Variants in USP35 observed in about 807,000 individuals in gnomAD.
USP35 encodes ubiquitin carboxyl-terminal hydrolase 35.
In USP35, 69 loss-of-function variants were observed where a neutral mutation model predicts 83.8. The observed-to-expected ratio is 0.82, with a 90% confidence interval of 0.68 to 1.01. The LOEUF is 1.01. Among genes scored for constraint, USP35 ranks in the 50% least tolerant of loss-of-function variants. The pLI is 0.00. For missense variants in USP35, 1,503 were observed against 1,362.5 expected (o/e 1.10, Z -1.62); for synonymous variants, 714 against 589.5 (o/e 1.21, Z -3.06).
chr11:78,199,757 C>T (rs568548014), intron 4 of USP35, 33 bp downstream of exon 4: 23 of 1,613,988 alleles, frequency 1.4e-5, no homozygotes, highest in East Asian at 1.3e-4. Context: ...AGAGTTACAG[C>T]CTTTTGTACT....
the USP35 span, among the ~76,000 whole-genome samples, chr11:78,231,345 G>A: frequency 6.6e-6 from 1 of 151,588 alleles, no homozygotes; most frequent in Non-Finnish European, 1.5e-5. Context: ...TGGTGTGTGT[G>A]TGTGTGTGTG....
rs748861247 is a variant in USP35 at position 78,210,414 on chromosome 11, C to G, written c.2559C>G (p.His853Gln). Residue 853 changes from histidine to glutamine, a missense_variant, in exon 10 of 11, where the codon CAC becomes CAG. Transcript: ENST00000529308. The part of the protein sequence containing the change: ...QAYDLCSVVV[H>Q]SGVSSESGHY... ...ATGACCTCTGCAGTGTGGTGGTGCA[C>G]TCTGGAGTGTCTTCGGAGAGTGGTC... 6.2e-6 allele frequency: 10 copies of G among 1,614,082 alleles called. 1 individual carries two copies. The highest frequency in any genetic ancestry group is 7.6e-6 in the Non-Finnish European group (9 of 1,180,038).
Position 78,196,781 on chromosome 11 carries a change from C to A in USP35, c.536C>A (p.Ala179Asp). 2 of 1,533,686 alleles carry A rather than the reference C, an allele frequency of 1.3e-6. No homozygotes were observed. Among genetic ancestry groups the A allele is most frequent in the Non-Finnish European group, 1.7e-6 (2 of 1,145,766 alleles). ...TGCCTCGGCCGCTTCCGCTGCCCAG[C>A]CGAAGGCGAGGAGGGCGCCGTGGAG... is the stretch of plus-strand genomic sequence containing the variant. ...VRCLGRFRCP[A>D]EGEEGAVEFL... The change falls in exon 2 of 11, where the codon GCC (alanine) becomes GAC (aspartate). Residue 179 changes from alanine to aspartate, a missense_variant. By Grantham distance (126) the Ala-to-Asp change is moderately radical (BLOSUM62 -2). Transcript: ENST00000529308. The surrounding 1 kb of genome is among the most constrained non-coding windows in gnomAD (Gnocchi z 4.8).
intron 1 of USP35, among the ~76,000 whole-genome samples, chr11:78,194,651 C>G (rs946990536): frequency 2.6e-5 from 4 of 152,108 alleles, no homozygotes; most frequent in Non-Finnish European, 5.9e-5. Flanking sequence ...TGGTGTGGGA[C>G]AAAGTCTTCA....
intron 1 of USP35, among the ~76,000 whole-genome samples, chr11:78,189,788 G>C (rs1167492230): frequency 6.6e-6 from 1 of 152,210 alleles, no homozygotes; most frequent in Non-Finnish European, 1.5e-5. Context: ...ATCCTTTGAG[G>C]AAGAGCAGCT....
intron 7 of USP35, 128 bp from the exon 8 acceptor site, chr11:78,207,402 C>G: frequency 1.1e-6 from 1 of 878,854 alleles, no homozygotes; most frequent in Non-Finnish European, 1.8e-6. Flanking sequence ...TGGCTTCTGG[C>G]TCCGTCTTGG....
rs918456469 is a variant in USP35, at chr11:78,191,141, A to G, written c.-11+1984A>G. ...GGCCCAGGGCGTGGCAGTGGGGCTG[A>G]GCATAGGAGTTGTGTACACACACAT... On this transcript the variant is annotated intron_variant, in intron 1 of 10. Transcript: ENST00000529308. 2.0e-5 allele frequency among the ~76,000 whole-genome samples: 3 copies of G among 151,020 alleles called. No homozygotes were observed. The East Asian group carries it at 5.8e-4, about 29-fold the overall frequency.
chr11:78,209,810 C>T lies in USP35; in HGVS notation c.1955C>T (p.Thr652Ile). Residue 652 changes from threonine (T) to isoleucine (I), a missense_variant, in exon 10 of 11, where the codon ACC (threonine) becomes ATC (isoleucine). By Grantham distance (89) the Thr-to-Ile change is moderately conservative. Coordinates refer to ENST00000529308, the MANE Select transcript of USP35 (RefSeq NM_020798.4). ...RQRKHCITED[T>I]PPTSLYIEGL... ...AGGAAACACTGCATCACAGAGGACA[C>T]CCCCCCCACCAGCCTGTACATCGAA... 2 of 1,608,472 alleles carry T rather than the reference C, an allele frequency of 1.2e-6. No individual in the cohort carries two copies. Among genetic ancestry groups the T allele is most frequent in the Non-Finnish European group, 1.7e-6 (2 of 1,176,976 alleles).
At position 78,209,620 on chromosome 11, in the gene USP35, C is replaced by A; in HGVS notation, c.1765C>A (p.Arg589=). 6.2e-7 allele frequency: 1 copy of A among 1,614,094 alleles called. No homozygotes were observed. Among genetic ancestry groups the A allele is most frequent in the Non-Finnish European group, 8.5e-7 (1 of 1,179,998 alleles). ...CCLCCLNVSS[R]EEAFTDLSLA... ...TCTCTGCTGCCTCAACGTCTCCTCC[C>A]GGGAGGAGGCCTTCACGGACCTCTC... The change falls in exon 10 of 11, where the codon CGG becomes AGG. Residue 589 remains arginine (R), a synonymous_variant. Coordinates refer to ENST00000529308, the MANE Select transcript of USP35 (RefSeq NM_020798.4).
rs1863920080 is a variant in USP35, at chr11:78,213,794, T to G, written c.3038T>G (p.Phe1013Cys). Reference sequence around the variant, plus strand: ...CCTGCAGGTGGCAATGGTGGTGACTTCCACAGACTGGTCTTCTAATGTGAA... The same window carrying G: ...CCTGCAGGTGGCAATGGTGGTGACTGCCACAGACTGGTCTTCTAATGTGAA... ...CNPAGGNGGD[F>C]HRLVF Residue 1013 changes from phenylalanine to cysteine, a missense_variant, in exon 11 of 11, where the codon TTC becomes TGC. Physicochemically the swap from Phe to Cys is radical, Grantham distance 205 (BLOSUM62 -2). Coordinates refer to ENST00000529308, the MANE Select transcript of USP35 (RefSeq NM_020798.4). 2.6e-6 allele frequency: 4 copies of G among 1,553,726 alleles called. No individual in the cohort carries two copies. The highest frequency in any genetic ancestry group is 2.5e-5 in the East Asian group (1 of 39,444).
At chr11:78,226,771 T>G in the USP35 span, 1 of 1,613,904 alleles carries the variant, frequency 6.2e-7, no homozygotes, top group Non-Finnish European at 8.5e-7. Flanking sequence ...CTGCACAGGG[T>G]GTTGCTGGGC....
At chr11:78,194,801 G>A (rs1863095125) in intron 1 of USP35, among the ~76,000 whole-genome samples, 1 of 152,152 alleles carries the variant, frequency 6.6e-6, no homozygotes, top group African/African-American at 2.4e-5. Context: ...TAGGTGCTGG[G>A]GATACTGTGG....
the USP35 span, among the ~76,000 whole-genome samples, chr11:78,236,771 GATTGT>G: frequency 2.0e-4 from 3 of 15,178 alleles, no homozygotes; most frequent in Middle Eastern, 0.062. Flanking sequence ...GAATTACTTT[GATTGT>G]TTTTTTTTTG....
Position 78,214,335 on chromosome 11 carries a change from G to A in USP35, c.*522G>A, listed in dbSNP as rs1335743850. The A allele has an allele frequency of 7.3e-6, 1 of 136,198 alleles. No individual in the cohort carries two copies. The highest frequency in any genetic ancestry group is 2.4e-4 in the East Asian group (1 of 4,164). The allele number at this position is 136,198 out of a possible 1,614,324, so 8.4% of individuals were successfully genotyped here. A position where few individuals can be genotyped will look rare whatever the true frequency, so the allele number is the denominator to read the frequency against. Reference sequence around the variant, plus strand: ...TGTCTGTACCTTTCTGAGAAGAACAGAGACCGAGACCTGCCCCCTTACCAA... The same window carrying A: ...TGTCTGTACCTTTCTGAGAAGAACAAAGACCGAGACCTGCCCCCTTACCAA... On this transcript the variant is annotated 3_prime_UTR_variant, in exon 11 of 11. Transcript: ENST00000529308.
rs764735138 is a variant in USP35 at position 78,209,809 on chromosome 11, AC to A, written c.1962del (p.Thr655ProfsTer23). 5.8e-5 allele frequency: 93 copies of A among 1,609,772 alleles called. No individual in the cohort carries two copies. The highest frequency in any genetic ancestry group is 2.5e-4 in the Admixed American group (15 of 59,484). On this transcript the variant is annotated frameshift_variant, in exon 10 of 11. Transcript: ENST00000529308. LOFTEE classifies it high-confidence loss of function. ...RQRKHCITED[T>X]PPTSLYIEGL... ...AAGGAAACACTGCATCACAGAGGAC[AC>A]CCCCCCCACCAGCCTGTACATCGAA...
the USP35 span, among the ~76,000 whole-genome samples, chr11:78,227,937 T>C: frequency 1.3e-5 from 2 of 152,198 alleles, no homozygotes; most frequent in South Asian, 2.1e-4. Flanking sequence ...TAGAAATCTA[T>C]ATGAAGAATG....
the USP35 span, chr11:78,223,777 T>C: frequency 1.0e-6 from 1 of 988,406 alleles, no homozygotes; most frequent in Middle Eastern, 2.3e-4. Context: ...CATGACTGGG[T>C]TAGCTATACT....
intron 5 of USP35, among the ~76,000 whole-genome samples, 197 bp from the exon 6 acceptor site, chr11:78,200,452 AG>A (rs1384677665): frequency 6.6e-6 from 1 of 152,230 alleles, no homozygotes; most frequent in Non-Finnish European, 1.5e-5. Flanking sequence ...AAACTGAGGC[AG>A]GGTGTCTTAG....
At chr11:78,202,914 C>T (rs1048388729) in intron 6 of USP35, among the ~76,000 whole-genome samples, 1 of 152,192 alleles carries the variant, frequency 6.6e-6, no homozygotes. Flanking sequence ...TCCTTTTGAT[C>T]TTTGTGCCTA....
Sources: allele counts gnomAD v4.1 joint callset (sites outside exome capture counted in the v4.1 genomes callset), GRCh38; gene constraint gnomAD v4.1.1; non-coding constraint Gnocchi (gnomAD v3.1); transcripts MANE v1.5; gene names NCBI Gene and HGNC (gene_info 2026-07-23, HGNC 2026-07-21).